Variants in LRRC1 observed in about 807,000 individuals in gnomAD.
LRRC1 encodes leucine rich repeat containing 1.
LRRC1 carries 28 observed loss-of-function variants against 69.9 expected under a neutral mutation model. That is an observed-to-expected ratio of 0.40 (90% CI 0.30 to 0.55). LRRC1 has a LOEUF of 0.55. LRRC1 is among the 20% of genes least tolerant of loss of function. The probability of loss-of-function intolerance (pLI) is 0.47; values close to 1 mark genes in which losing one functional copy is unlikely to be tolerated. For synonymous variants in LRRC1, 236 were observed against 240.2 expected (o/e 0.98, Z 0.16); for missense variants, 498 against 609.0 (o/e 0.82, Z 1.92).
At chr6:53,860,474 G>A (rs1040498238) in intron 2 of LRRC1, among the ~76,000 whole-genome samples, 1 of 152,140 alleles carries the variant, frequency 6.6e-6, no homozygotes, top group Non-Finnish European at 1.5e-5. Context: ...TTTGAAAAAT[G>A]TGAACATGTT....
chr6:53,886,651 C>T (rs1021296398), intron 4 of LRRC1, among the ~76,000 whole-genome samples: 6 of 152,102 alleles, frequency 3.9e-5, no homozygotes, highest in Admixed American at 2.6e-4. Context: ...TTTTCCATCC[C>T]GCTTATTCCA....
At chr6:53,865,000 G>A (rs1766651196) in intron 2 of LRRC1, among the ~76,000 whole-genome samples, 1 of 152,148 alleles carries the variant, frequency 6.6e-6, no homozygotes, top group Admixed American at 6.5e-5. Context: ...GCGATTGCGT[G>A]TGCACTCTTG....
chr6:53,897,184 A>G, intron 6 of LRRC1, 101 bp from the exon 7 acceptor site: 1 of 767,346 alleles, frequency 1.3e-6, no homozygotes, highest in Non-Finnish European at 2.1e-6. Flanking sequence ...ACATCTGCTA[A>G]GGTACCCAGT....
chr6:53,902,001 A>G (rs534477610), intron 8 of LRRC1, among the ~76,000 whole-genome samples: 7 of 152,220 alleles, frequency 4.6e-5, no homozygotes, highest in Non-Finnish European at 7.3e-5. Flanking sequence ...GCTTAATCCC[A>G]TGACTTGTTG....
chr6:53,877,823 T>C (rs957171875), intron 2 of LRRC1, among the ~76,000 whole-genome samples: 1 of 152,228 alleles, frequency 6.6e-6, no homozygotes, highest in African/African-American at 2.4e-5. Context: ...TTTCCTGTCT[T>C]CTGAGCCCTC....
chr6:53,841,370 G>A (rs1216123726), intron 1 of LRRC1, among the ~76,000 whole-genome samples: 1 of 152,136 alleles, frequency 6.6e-6, no homozygotes, highest in Admixed American at 6.5e-5. Flanking sequence ...TTTCAGCTTT[G>A]TTTCAATTTG....
At chr6:53,899,971 G>T in intron 8 of LRRC1, 80 bp downstream of exon 8, 2 of 1,308,902 alleles carry the variant, frequency 1.5e-6, no homozygotes, top group Non-Finnish European at 2.1e-6. Context: ...TGATCCTTTG[G>T]TCACCACTTT....
At chr6:53,863,604 G>A (rs765568456) in intron 2 of LRRC1, among the ~76,000 whole-genome samples, 2 of 152,134 alleles carry the variant, frequency 1.3e-5, no homozygotes, top group Non-Finnish European at 2.9e-5. Context: ...TTCCAGATAA[G>A]TCAAACCCGA....
intron 2 of LRRC1, among the ~76,000 whole-genome samples, chr6:53,845,000 C>T (rs1205166312): frequency 2.6e-5 from 4 of 152,122 alleles, no homozygotes; most frequent in Non-Finnish European, 5.9e-5. Flanking sequence ...GTCAGGAGTT[C>T]GAGACCAGCC....
At chr6:53,895,519 T>C (rs1277010756) in intron 4 of LRRC1, among the ~76,000 whole-genome samples, 1 of 152,192 alleles carries the variant, frequency 6.6e-6, no homozygotes, top group Non-Finnish European at 1.5e-5. Context: ...ACTTTTTGTG[T>C]TCTGTGTGCT....
chr6:53,872,513 C>G (rs1338431703), intron 2 of LRRC1, among the ~76,000 whole-genome samples: 2 of 152,076 alleles, frequency 1.3e-5, no homozygotes, highest in Non-Finnish European at 2.9e-5. Context: ...TTTTCACTAA[C>G]AGTGTATAAT....
intron 2 of LRRC1, among the ~76,000 whole-genome samples, chr6:53,842,764 C>T (rs1235681228): frequency 1.3e-5 from 2 of 152,190 alleles, no homozygotes; most frequent in African/African-American, 2.4e-5. Flanking sequence ...GTGAACAGAC[C>T]TGCTTGCGTT....
intron 2 of LRRC1, among the ~76,000 whole-genome samples, chr6:53,863,327 C>A (rs1212777777): frequency 6.6e-6 from 1 of 152,172 alleles, no homozygotes; most frequent in African/African-American, 2.4e-5. Flanking sequence ...TATTGTGACA[C>A]CTCATTTCCT....
intron 3 of LRRC1, among the ~76,000 whole-genome samples, chr6:53,879,418 T>G (rs1767188374): frequency 6.6e-6 from 1 of 152,134 alleles, no homozygotes; most frequent in Non-Finnish European, 1.5e-5. Flanking sequence ...CCTGAGTAGC[T>G]GGGACTACAG....
At chr6:53,856,009 G>A (rs1477643764) in intron 2 of LRRC1, among the ~76,000 whole-genome samples, 4 of 152,160 alleles carry the variant, frequency 2.6e-5, no homozygotes, top group Non-Finnish European at 4.4e-5. Context: ...ACTGCCAGTT[G>A]AGTTTATTCT....
At chr6:53,903,598 C>T (rs1768136303) in intron 9 of LRRC1, among the ~76,000 whole-genome samples, 1 of 150,584 alleles carries the variant, frequency 6.6e-6, no homozygotes, top group South Asian at 2.1e-4. Flanking sequence ...TCCCTTTTCT[C>T]CTTTCTCTAT....
chr6:53,866,327 A>G (rs1238235509), intron 2 of LRRC1, among the ~76,000 whole-genome samples: 1 of 152,184 alleles, frequency 6.6e-6, no homozygotes, highest in African/African-American at 2.4e-5. Context: ...ACAGAAGCCC[A>G]AAGTGGTTGA....
At chr6:53,908,458 T>A (rs1183837084) in intron 10 of LRRC1, among the ~76,000 whole-genome samples, 5 of 152,230 alleles carry the variant, frequency 3.3e-5, no homozygotes, top group African/African-American at 4.8e-5. Context: ...TTCTGCCTTC[T>A]TATTATTGCA....
rs190024260 is a variant in LRRC1, at chr6:53,828,505, C to T, written c.160-13605C>T. On this transcript the variant is annotated intron_variant, in intron 1 of 13. Coordinates refer to ENST00000370888, the MANE Select transcript of LRRC1 (RefSeq NM_018214.5). ...TCTCACCCTGTGTTCCTTTTGTGCA[C>T]AGTTTAGGTCCACCCTTCATTCAGT... Among the ~76,000 whole-genome samples, 326 of 152,366 alleles carry T rather than the reference C, an allele frequency of 2.1e-3. 1 individual carries two copies. The highest frequency in any genetic ancestry group is 7.4e-3 in the African/African-American group (308 of 41,582).
Sources: gnomAD v4.1 joint callset for allele counts (sites outside exome capture counted in the v4.1 genomes callset) on GRCh38, gnomAD v4.1.1 for gene constraint, MANE v1.5 for transcripts, NCBI Gene and HGNC (gene_info 2026-07-23, HGNC 2026-07-21) for gene names.